The following SAMSN1 variants were observed in gnomAD, a reference collection of about 807,000 sequenced individuals.
SAMSN1 encodes the protein SAM domain, SH3 domain and nuclear localization signals 1, also known as SAM domain-containing protein SAMSN-1.
In SAMSN1, 31 loss-of-function variants were observed where a neutral mutation model predicts 42.0. The ratio of observed to expected loss-of-function variants is 0.74; its 90% CI spans 0.55 to 1.00. SAMSN1 has a LOEUF of 1.00. SAMSN1 is among the 50% of genes least tolerant of loss of function. The probability of loss-of-function intolerance (pLI) is 0.00; values close to 1 mark genes in which losing one functional copy is unlikely to be tolerated. For missense variants in SAMSN1, 464 were observed against 439.4 expected, an observed-to-expected ratio of 1.06 and a Z score of -0.50; for synonymous variants, 178 against 151.9, an observed-to-expected ratio of 1.17 and a Z score of -1.26.
intron 2 of SAMSN1, chr21:14,582,081 C>A (rs1227145724): frequency 7.0e-7 from 1 of 1,421,138 alleles, no homozygotes; most frequent in Non-Finnish European, 9.4e-7. Flanking sequence ...TGTTTCTTTC[C>A]CGACAGTACA....
intron 1 of SAMSN1, among the ~76,000 whole-genome samples, chr21:14,545,487 A>G (rs1980328479): frequency 6.6e-6 from 1 of 152,164 alleles, no homozygotes; most frequent in African/African-American, 2.4e-5. Context: ...TTACGTTATT[A>G]ATAAATCTAG....
At chr21:14,614,229 CTG>C (rs1395378765) in intron 3 of SAMSN1, among the ~76,000 whole-genome samples, 3 of 152,082 alleles carry the variant, frequency 2.0e-5, no homozygotes, top group Non-Finnish European at 4.4e-5. Context: ...ATAACATACA[CTG>C]AAGCATGAAA....
intron 2 of SAMSN1, among the ~76,000 whole-genome samples, chr21:14,628,567 G>C (rs915550505): frequency 6.6e-6 from 1 of 152,080 alleles, no homozygotes; most frequent in African/African-American, 2.4e-5. Context: ...TTATGTGACT[G>C]GTAACAAGTC....
At chr21:14,564,816 G>C (rs558579509) in intron 2 of SAMSN1, among the ~76,000 whole-genome samples, 74 of 152,208 alleles carry the variant, frequency 4.9e-4, no homozygotes, top group African/African-American at 1.8e-3. Flanking sequence ...ATTTTTAGGA[G>C]CAGTCAGAGG....
rs139458044 is a variant in SAMSN1, at chr21:14,617,196, G to C, written c.157-1180C>G. ...TTGTAAGTAAGGATGTGGGAAGCATGAATTAAGCCCTAATGTGAGTGAGGA... is the reference window on the plus strand; with the variant it reads ...TTGTAAGTAAGGATGTGGGAAGCATCAATTAAGCCCTAATGTGAGTGAGGA... On this transcript the variant is annotated intron_variant, in intron 2 of 15. Transcript: ENST00000647101. Among the ~76,000 whole-genome samples the C allele has an allele frequency of 7.4e-4, 113 of 152,288 alleles. 1 individual carries two copies. In the South Asian group the frequency reaches 8.3e-3, roughly 11 times the overall value.
upstream of SAMSN1, chr21:14,546,470 T>A (rs1980399359): frequency 1.5e-6 from 1 of 666,492 alleles, no homozygotes; most frequent in Non-Finnish European, 2.2e-6. Context: ...TTTATTGTCT[T>A]GCTATTTTCT....
intron 2 of SAMSN1, among the ~76,000 whole-genome samples, chr21:14,577,286 T>TATATATATA (rs1568816302): frequency 2.7e-5 from 2 of 72,964 alleles, no homozygotes; most frequent in African/African-American, 5.1e-5. Context: ...ATATATATAT[T>TATATATATA]TTTTTTTTAG....
intron 1 of SAMSN1, among the ~76,000 whole-genome samples, chr21:14,643,665 G>C (rs1983648387): frequency 1.3e-5 from 2 of 152,136 alleles, no homozygotes; most frequent in South Asian, 4.1e-4. Flanking sequence ...AGGACACCAA[G>C]TTAACAACTA....
At position 14,645,325 on chromosome 21, in the gene SAMSN1, C is replaced by T. The variant is rs115904069; in HGVS notation, c.25-2192G>A. On this transcript the variant is annotated intron_variant, in intron 1 of 15. Transcript: ENST00000647101. ...CAGTAACTCATAACACAGAGAGAGA[C>T]TCTGTATGTTTGGGAGAAAGTAATA... is the stretch of plus-strand genomic sequence containing the variant. 3.8e-3 allele frequency among the ~76,000 whole-genome samples: 573 copies of T among 152,334 alleles called. 6 individuals are homozygous for T. Among genetic ancestry groups the T allele is most frequent in the Middle Eastern group, 0.014 (4 of 294 alleles).
chr21:14,618,623 C>T (rs1982905116), intron 2 of SAMSN1, among the ~76,000 whole-genome samples: 1 of 151,406 alleles, frequency 6.6e-6, no homozygotes, highest in Non-Finnish European at 1.5e-5. Context: ...AGAAAGACTA[C>T]ATACACTTTT....
intron 6 of SAMSN1, chr21:14,594,145 A>G: frequency 1.6e-6 from 1 of 623,190 alleles, no homozygotes; most frequent in East Asian, 2.8e-5. Context: ...AAACAAAAAA[A>G]CTCCACAAAG....
chr21:14,519,073 C>T (rs1568782541), intron 2 of SAMSN1, among the ~76,000 whole-genome samples: 1 of 152,046 alleles, frequency 6.6e-6, no homozygotes, highest in Admixed American at 6.5e-5. Context: ...TTTTCTATGC[C>T]TTTCTCCATA....
chr21:14,641,220 A>G (rs1432822244), intron 2 of SAMSN1, among the ~76,000 whole-genome samples: 1 of 152,190 alleles, frequency 6.6e-6, no homozygotes, highest in Non-Finnish European at 1.5e-5. Flanking sequence ...GAGACATTAA[A>G]AAAGGTGTAA....
intron 6 of SAMSN1, among the ~76,000 whole-genome samples, chr21:14,596,007 A>T (rs1309170194): frequency 6.6e-6 from 1 of 152,196 alleles, no homozygotes; most frequent in Non-Finnish European, 1.5e-5. Context: ...TAAAACACCC[A>T]TACATTTATG....
intron 6 of SAMSN1, among the ~76,000 whole-genome samples, chr21:14,597,297 T>C (rs1436935716): frequency 1.3e-5 from 2 of 152,078 alleles, no homozygotes; most frequent in Non-Finnish European, 2.9e-5. Context: ...TCATGAAAAA[T>C]TGGTCCCATT....
At chr21:14,651,627 A>G (rs1308600011) in intron 1 of SAMSN1, among the ~76,000 whole-genome samples, 2 of 152,022 alleles carry the variant, frequency 1.3e-5, no homozygotes, top group Non-Finnish European at 2.9e-5. Context: ...GATCTGGAAT[A>G]TAACCTGGCT....
chr21:14,514,783 A>G (rs1391888296), intron 3 of SAMSN1, among the ~76,000 whole-genome samples: 1 of 152,196 alleles, frequency 6.6e-6, no homozygotes, highest in Non-Finnish European at 1.5e-5. Context: ...TAAATATATT[A>G]GCTTTGGATA....
intron 7 of SAMSN1, among the ~76,000 whole-genome samples, chr21:14,488,620 T>C (rs755459257): frequency 5.3e-5 from 8 of 152,214 alleles, no homozygotes; most frequent in Non-Finnish European, 1.2e-4. Context: ...TTTGTTTTTA[T>C]TTCCACATGA....
rs1012212810 is a variant in SAMSN1, at chr21:14,622,776, A to T, written c.157-6760T>A. ...ATTCAGGAAATACAGAGAATGCCAC[A>T]AAGATACTCCTTGAGAAGAGCAACT... On this transcript the variant is annotated intron_variant, in intron 2 of 15. Coordinates refer to the SAMSN1 transcript ENST00000647101. Among the ~76,000 whole-genome samples, 4 of 152,336 alleles carry T rather than the reference A, an allele frequency of 2.6e-5. No homozygotes were observed. In the East Asian group the frequency reaches 7.7e-4, roughly 29 times the overall value.
Sources: allele counts gnomAD v4.1 joint callset (sites outside exome capture counted in the v4.1 genomes callset), GRCh38; gene constraint gnomAD v4.1.1; transcripts MANE v1.5; gene names NCBI Gene and HGNC (gene_info 2026-07-23, HGNC 2026-07-21).